The following FMN2 variants were observed in gnomAD, a reference collection of about 807,000 sequenced individuals.
FMN2 encodes the protein formin-2.
FMN2 carries 51 observed loss-of-function variants against 142.3 expected under a neutral mutation model. The observed-to-expected ratio is 0.36, with a 90% CI of 0.29 to 0.45. FMN2 has a LOEUF of 0.45. Among genes scored for constraint, FMN2 ranks in the 20% least tolerant of loss-of-function variants. FMN2 has a pLI of 1.00. For missense variants in FMN2, 1,936 were observed against 2,122.8 expected, an observed-to-expected ratio of 0.91 and a Z score of 1.73; for synonymous variants, 882 against 869.8, an observed-to-expected ratio of 1.01 and a Z score of -0.25.
At chr1:240,313,546 A>G (rs1670664274) in intron 8 of FMN2, among the ~76,000 whole-genome samples, 1 of 152,196 alleles carries the variant, frequency 6.6e-6, no homozygotes, top group Non-Finnish European at 1.5e-5. Flanking sequence ...ATTTTCCAAA[A>G]TAGTCAACAG....
intron 14 of FMN2, among the ~76,000 whole-genome samples, chr1:240,376,375 A>C (rs2103075485): frequency 6.6e-6 from 1 of 151,992 alleles, no homozygotes; most frequent in South Asian, 2.1e-4. Flanking sequence ...TTTGTCTACT[A>C]TTTGTTTCAT....
chr1:240,338,377 C>T (rs1671633219), intron 13 of FMN2, among the ~76,000 whole-genome samples: 2 of 152,020 alleles, frequency 1.3e-5, no homozygotes, highest in Non-Finnish European at 2.9e-5. Flanking sequence ...TCCTTTTTTC[C>T]CCTTATGTTT....
Position 240,093,579 on chromosome 1 carries a change from C to G in FMN2, c.1470C>G (p.Gly490=), listed in dbSNP as rs1661089875. ...SRSADWTEEL[G]ARTPRVGGSA... Reference sequence around the variant, plus strand: ...CGGCTGACTGGACGGAGGAGCTAGGCGCCCGCACGCCCCGGGTGGGAGGCT... The same window carrying G: ...CGGCTGACTGGACGGAGGAGCTAGGGGCCCGCACGCCCCGGGTGGGAGGCT... Residue 490 remains glycine (G), a synonymous_variant, in exon 1 of 18, where the codon GGC becomes GGG. Coordinates refer to ENST00000319653, the MANE Select transcript of FMN2 (RefSeq NM_020066.5). 1 of 1,449,794 alleles carries G rather than the reference C, an allele frequency of 6.9e-7. No individual in the cohort carries two copies. The highest frequency in any genetic ancestry group is 3.0e-5 in the Admixed American group (1 of 33,290). 89.8% of individuals were successfully genotyped at this position (1,449,794 alleles called of 1,614,324 possible). A position where few individuals can be genotyped will look rare whatever the true frequency, so the allele number is the denominator to read the frequency against.
intron 2 of FMN2, 71 bp downstream of exon 2, chr1:240,123,416 G>T: frequency 1.4e-5 from 21 of 1,474,710 alleles, no homozygotes; most frequent in East Asian, 2.3e-5. Flanking sequence ...ATGTGTATCT[G>T]CCCAGTCACC....
intron 16 of FMN2, among the ~76,000 whole-genome samples, chr1:240,456,628 G>T (rs1335369857): frequency 2.0e-5 from 3 of 152,210 alleles, no homozygotes; most frequent in Middle Eastern, 3.4e-3. Flanking sequence ...GGCTAACTTT[G>T]TATTTTTAGT....
At chr1:240,244,916 C>T (rs191559310) in intron 6 of FMN2, among the ~76,000 whole-genome samples, 15 of 152,274 alleles carry the variant, frequency 9.9e-5, no homozygotes, top group South Asian at 4.2e-4. Context: ...ACTTATTCAG[C>T]GGACATTTTT....
intron 6 of FMN2, among the ~76,000 whole-genome samples, chr1:240,251,532 A>G (rs1220626242): frequency 6.6e-6 from 1 of 152,216 alleles, no homozygotes; most frequent in African/African-American, 2.4e-5. Flanking sequence ...GATGAGAAGA[A>G]TGTGTGTTCT....
In FMN2 at chr1:240,104,032, T is replaced by A. The variant is rs545405435; in HGVS notation, c.1615+10308T>A. On this transcript the variant is annotated intron_variant, in intron 1 of 17. Transcript: ENST00000319653. Reference sequence around the variant, plus strand: ...GCTGGGACTACAGGCGCCCGCCACCTCGCCTGGCTAATCTTTTTTGTATTT... The same window carrying A: ...GCTGGGACTACAGGCGCCCGCCACCACGCCTGGCTAATCTTTTTTGTATTT... Among the ~76,000 whole-genome samples the A allele has an allele frequency of 2.4e-3, 360 of 151,450 alleles. 1 individual carries two copies. The highest frequency in any genetic ancestry group is 8.4e-3 in the African/African-American group (346 of 41,332).
intron 7 of FMN2, among the ~76,000 whole-genome samples, chr1:240,266,015 A>G (rs1472915781): frequency 1.6e-5 from 1 of 60,852 alleles, no homozygotes; most frequent in Non-Finnish European, 2.9e-5. Flanking sequence ...AGAATCTGTT[A>G]CTTCCTTTTT....
intron 16 of FMN2, among the ~76,000 whole-genome samples, chr1:240,443,351 T>G (rs979234808): frequency 4.6e-5 from 7 of 152,156 alleles, no homozygotes; most frequent in Admixed American, 3.9e-4. Flanking sequence ...TAATAAGAAA[T>G]CCTCCTTTTT....
intron 14 of FMN2, among the ~76,000 whole-genome samples, chr1:240,358,391 A>G (rs1672344638): frequency 1.3e-5 from 2 of 152,378 alleles, no homozygotes; most frequent in South Asian, 4.1e-4. Flanking sequence ...CACTTTAAAC[A>G]TAGTCACTCT....
At chr1:240,174,994 T>C (rs1664858433) in intron 2 of FMN2, among the ~76,000 whole-genome samples, 1 of 152,000 alleles carries the variant, frequency 6.6e-6, no homozygotes, top group Non-Finnish European at 1.5e-5. Flanking sequence ...ATCCCCCATC[T>C]CTCCAATCCG....
intron 6 of FMN2, among the ~76,000 whole-genome samples, chr1:240,221,658 C>A (rs1028584565): frequency 6.6e-6 from 1 of 151,932 alleles, no homozygotes; most frequent in Non-Finnish European, 1.5e-5. Context: ...GGATAGATTG[C>A]AAAAATTTTC....
intron 6 of FMN2, among the ~76,000 whole-genome samples, chr1:240,244,421 C>G (rs988013911): frequency 2.0e-5 from 3 of 152,152 alleles, no homozygotes; most frequent in Non-Finnish European, 4.4e-5. Flanking sequence ...TCTTAATTAG[C>G]TAATATTCCA....
intron 8 of FMN2, among the ~76,000 whole-genome samples, chr1:240,304,684 C>G (rs868446239): frequency 1.1e-4 from 17 of 152,300 alleles, no homozygotes; most frequent in African/African-American, 4.1e-4. Flanking sequence ...TTTGTTTGCA[C>G]CTGAGTGATC....
intron 7 of FMN2, among the ~76,000 whole-genome samples, chr1:240,282,134 C>G (rs548213090): frequency 1.3e-3 from 196 of 152,264 alleles, no homozygotes; most frequent in African/African-American, 4.5e-3. Context: ...GAGGAGTTAC[C>G]TCTAATCTTT....
At chr1:240,396,764 G>A (rs1016648406) in intron 15 of FMN2, among the ~76,000 whole-genome samples, 14 of 152,262 alleles carry the variant, frequency 9.2e-5, no homozygotes, top group African/African-American at 2.9e-4. Context: ...CTCCATCTGC[G>A]TTCCTGCAAA....
At chr1:240,419,663 A>G (rs74726955) in intron 15 of FMN2, among the ~76,000 whole-genome samples, 2,268 of 152,262 alleles carry the variant, frequency 0.015, 65 homozygotes, top group African/African-American at 0.051. Flanking sequence ...TGCACTATAC[A>G]GTCTACTGAG....
chr1:240,262,843 C>A (rs188059586), intron 7 of FMN2, among the ~76,000 whole-genome samples: 233 of 144,916 alleles, frequency 1.6e-3, no homozygotes, highest in Non-Finnish European at 2.2e-3. Flanking sequence ...TCACTACAAT[C>A]TCCGCCTCCC....
Sources: allele counts gnomAD v4.1 joint callset (sites outside exome capture counted in the v4.1 genomes callset), GRCh38; gene constraint gnomAD v4.1.1; transcripts MANE v1.5; gene names NCBI Gene and HGNC (gene_info 2026-07-23, HGNC 2026-07-21).